Variants in C15orf39 observed in about 807,000 individuals in gnomAD.
C15orf39 encodes uncharacterized protein C15orf39.
In C15orf39, 24 loss-of-function variants were observed where a neutral mutation model predicts 53.9. That is an observed-to-expected ratio of 0.45 (90% CI 0.32 to 0.63). C15orf39 has a LOEUF of 0.63. Among genes scored for constraint, C15orf39 ranks in the 20% least tolerant of loss-of-function variants. C15orf39 has a pLI of 0.04. For synonymous variants in C15orf39, 569 were observed against 576.5 expected (o/e 0.99, Z 0.19); for missense variants, 1,271 against 1,347.9 (o/e 0.94, Z 0.89).
chr15:75,207,488 C>T lies in C15orf39; in HGVS notation c.1440C>T (p.Ala480=). 4 of 1,613,632 alleles carry T rather than the reference C, an allele frequency of 2.5e-6. 1 individual carries two copies. The South Asian group carries it at 4.4e-5, about 18-fold the overall frequency. Residue 480 remains alanine (A), a synonymous_variant, in exon 2 of 3, where the codon GCC becomes GCT. Transcript: ENST00000394987. ...PCTPPALPPC[A]RECQSLPQKE... is the part of the protein sequence containing the mutation. Reference sequence around the variant, plus strand: ...CCCCCCCAGCACTGCCCCCCTGTGCCCGGGAGTGCCAGTCTCTTCCACAGA... The same window carrying T: ...CCCCCCCAGCACTGCCCCCCTGTGCTCGGGAGTGCCAGTCTCTTCCACAGA...
At position 75,206,357 on chromosome 15, in the gene C15orf39, G is replaced by A. The variant is rs761045591; in HGVS notation, c.309G>A (p.Lys103=). ...FYRSPAEGPE[K]MQDSSPVELL... is the part of the protein sequence containing the mutation. ...GCTCGCCAGCAGAAGGCCCTGAGAAGATGCAGGACTCCAGCCCTGTTGAGC... is the reference window on the plus strand; with the variant it reads ...GCTCGCCAGCAGAAGGCCCTGAGAAAATGCAGGACTCCAGCCCTGTTGAGC... Residue 103 remains lysine (K), a synonymous_variant, in exon 2 of 3, where the codon AAG becomes AAA. Transcript: ENST00000394987. 1 of 1,614,086 alleles carries A rather than the reference G, an allele frequency of 6.2e-7. No homozygotes were observed. The highest frequency in any genetic ancestry group is 8.5e-7 in the Non-Finnish European group (1 of 1,179,984).
In C15orf39 at chr15:75,211,176, C is replaced by T. The variant is rs2070481060; in HGVS notation, c.*60C>T. The T allele has an allele frequency of 3.9e-6, 6 of 1,522,940 alleles. No individual in the cohort carries two copies. In the South Asian group the frequency reaches 5.1e-5, roughly 13 times the overall value. 94.3% of individuals were successfully genotyped at this position (1,522,940 alleles called of 1,614,324 possible). A position where few individuals can be genotyped will look rare whatever the true frequency, so the allele number is the denominator to read the frequency against. ...TCTCCACCCTTCCCTTCTGCCTGCCCAGCTGCCCCGGGGCCACGAGTGGAT... is the reference window on the plus strand; with the variant it reads ...TCTCCACCCTTCCCTTCTGCCTGCCTAGCTGCCCCGGGGCCACGAGTGGAT... On this transcript the variant is annotated 3_prime_UTR_variant, in exon 3 of 3. Transcript: ENST00000394987.
In C15orf39 at chr15:75,207,085, C is replaced by A; in HGVS notation, c.1037C>A (p.Pro346His). Residue 346 changes from proline to histidine, a missense_variant, in exon 2 of 3, where the codon CCC becomes CAC. By Grantham distance (77) the Pro-to-His change is moderately conservative. Coordinates refer to ENST00000394987, the MANE Select transcript of C15orf39 (RefSeq NM_015492.5). ...CTGGGGCTGGACGCTTACCCCTACC[C>A]CTCTGCCCCTCTCCCAGCACCCTCT... ...PPLGLDAYPY[P>H]SAPLPAPSPG... is the part of the protein sequence containing the mutation. 6.2e-7 allele frequency: 1 copy of A among 1,612,708 alleles called. No individual in the cohort carries two copies. Among genetic ancestry groups the A allele is most frequent in the South Asian group, 1.1e-5 (1 of 90,952 alleles).
In C15orf39 at chr15:75,208,021, G is replaced by A. The variant is rs145121826; in HGVS notation, c.1973G>A (p.Arg658His). The A allele has an allele frequency of 2.2e-5, 36 of 1,614,040 alleles. No homozygotes were observed. The highest frequency in any genetic ancestry group is 2.8e-5 in the Non-Finnish European group (33 of 1,180,034). Residue 658 changes from arginine (R) to histidine (H), a missense_variant, in exon 2 of 3, where the codon CGT becomes CAT. Arg to His is a conservative substitution (Grantham distance 29, BLOSUM62 0). Around this residue, in one of 2 missense-constraint regions of C15orf39, gnomAD observed 994 missense variants for 993.7 expected, o/e 1.00. Coordinates refer to ENST00000394987, the MANE Select transcript of C15orf39 (RefSeq NM_015492.5). ...ATGTTCCGAAAGTTCAAGATCCTCC[G>A]TCCGGCACCTTTGCCTGCAGCCGTG... is the stretch of plus-strand genomic sequence containing the variant. Reference protein sequence around the residue: ...AFMFRKFKILRPAPLPAAVVP... With the variant: ...AFMFRKFKILHPAPLPAAVVP...
At chr15:75,199,338 A>G (rs2070388227), upstream of C15orf39, among the ~76,000 whole-genome samples, 1 of 152,222 alleles carries the variant, frequency 6.6e-6, no homozygotes, top group African/African-American at 2.4e-5. Context: ...AATAGAGGGC[A>G]GACAGGGCAG....
chr15:75,210,638 T>C, intron 2 of C15orf39, 111 bp from the exon 3 acceptor site: 5 of 1,450,018 alleles, frequency 3.4e-6, no homozygotes, highest in Non-Finnish European at 4.6e-6. Flanking sequence ...AGAGTTGTGA[T>C]GCCAGCCTGA....
chr15:75,208,267 ATCCAGCTCCAGC>A lies in C15orf39; in HGVS notation c.2231_2242del (p.Ala744_Pro747del), dbSNP rs745804550. ...GCTCAGGCTCCAGCTTCAGCCCGGG[ATCCAGCTCCAGC>A]TCCAGCTCCAGTTGCAGGCCCTGCT... On this transcript the variant is annotated inframe_deletion, in exon 2 of 3. Transcript: ENST00000394987. 5.0e-6 allele frequency: 8 copies of A among 1,591,144 alleles called. No individual in the cohort carries two copies. The highest frequency in any genetic ancestry group is 2.7e-5 in the African/African-American group (2 of 74,274).
At chr15:75,205,905 G>T in intron 1 of C15orf39, 94 bp from the exon 2 acceptor site, 2 of 822,008 alleles carry the variant, frequency 2.4e-6, no homozygotes, top group Non-Finnish European at 1.8e-6. Flanking sequence ...CAGGTTCTTA[G>T]GTGTAGCCGT....
rs148245625 is a variant in C15orf39, at chr15:75,210,924, C to G, written c.2952C>G (p.Ser984=). Residue 984 remains serine (S), a synonymous_variant, in exon 3 of 3, where the codon TCC becomes TCG. Coordinates refer to ENST00000394987, the MANE Select transcript of C15orf39 (RefSeq NM_015492.5). ...EKAEAAAGEE[S]CGASPTPATS... is the part of the protein sequence containing the mutation. Reference sequence around the variant, plus strand: ...CAGAGGCAGCTGCTGGGGAAGAGTCCTGTGGTGCCTCCCCTACCCCTGCTA... The same window carrying G: ...CAGAGGCAGCTGCTGGGGAAGAGTCGTGTGGTGCCTCCCCTACCCCTGCTA... The G allele has an allele frequency of 6.2e-7, 1 of 1,613,390 alleles. No individual in the cohort carries two copies. The highest frequency in any genetic ancestry group is 1.1e-5 in the South Asian group (1 of 91,090).
rs933301252 is a variant in C15orf39 at position 75,207,705 on chromosome 15, C to T, written c.1657C>T (p.Pro553Ser). 9 of 1,602,946 alleles carry T rather than the reference C, an allele frequency of 5.6e-6. No homozygotes were observed. In the Admixed American group the frequency reaches 1.0e-4, roughly 18 times the overall value. Residue 553 changes from proline (P) to serine (S), a missense_variant, in exon 2 of 3, where the codon CCT becomes TCT. Pro to Ser is a moderately conservative substitution (Grantham distance 74). Coordinates refer to ENST00000394987, the MANE Select transcript of C15orf39 (RefSeq NM_015492.5). ...GGACAAAGGCTGCAGGGGGACCCTG[C>T]CTGCCCAGGAGGGCCCCTCAGGGAG... ...GQDKGCRGTL[P>S]AQEGPSGSKP...
rs1354158468 is a variant in C15orf39 at position 75,206,711 on chromosome 15, C to T, written c.663C>T (p.His221=). Residue 221 remains histidine, a synonymous_variant, in exon 2 of 3, where the codon CAC becomes CAT. Transcript: ENST00000394987. The part of the protein sequence containing the change: ...QPFLEKYQTI[H]STGFLASRYT... ...TCCTGGAGAAATATCAGACCATCCA[C>T]AGCACGGGCTTCCTGGCCTCCAGGT... The T allele has an allele frequency of 6.2e-7, 1 of 1,613,826 alleles. No homozygotes were observed. Among genetic ancestry groups the T allele is most frequent in the East Asian group, 2.2e-5 (1 of 44,886 alleles).
chr15:75,207,523 C>A lies in C15orf39; in HGVS notation c.1475C>A (p.Ala492Glu). The change falls in exon 2 of 3, where the codon GCA (alanine) becomes GAA (glutamate). Residue 492 changes from alanine (A) to glutamate (E), a missense_variant. Physicochemically the swap from Ala to Glu is moderately radical, Grantham distance 107 (BLOSUM62 -1). Transcript: ENST00000394987. ...ECQSLPQKEG[A>E]RPPSSPPMPV... is the part of the protein sequence containing the mutation. ...CAGTCTCTTCCACAGAAGGAGGGCG[C>A]AAGGCCACCCAGCTCTCCACCAATG... The A allele has an allele frequency of 6.2e-7, 1 of 1,611,992 alleles. No individual in the cohort carries two copies. Among genetic ancestry groups the A allele is most frequent in the Non-Finnish European group, 8.5e-7 (1 of 1,179,408 alleles).
At chr15:75,204,957 C>T (rs2070428219) in intron 1 of C15orf39, among the ~76,000 whole-genome samples, 1 of 152,184 alleles carries the variant, frequency 6.6e-6, no homozygotes, top group Admixed American at 6.5e-5. Flanking sequence ...GCAGCACCAT[C>T]TGCTGGGCTG....
intron 1 of C15orf39, among the ~76,000 whole-genome samples, chr15:75,204,175 C>G (rs774814260): frequency 6.6e-6 from 1 of 152,244 alleles, no homozygotes; most frequent in South Asian, 2.1e-4. Context: ...ACACTTTGCC[C>G]TAATCATAGC....
At position 75,208,447 on chromosome 15, in the gene C15orf39, G is replaced by C. The variant is rs373791203; in HGVS notation, c.2399G>C (p.Trp800Ser). Residue 800 changes from tryptophan (W) to serine (S), a missense_variant, in exon 2 of 3, where the codon TGG becomes TCG. By Grantham distance (177) the Trp-to-Ser change is radical (BLOSUM62 -3). This residue lies in a region of C15orf39 where 277 missense variants were observed against 354.1 expected (regional missense o/e 0.78). Transcript: ENST00000394987. ...LREWLETAGP[W>S]GQAAWQDCQG... is the part of the protein sequence containing the mutation. ...GAGTGGCTAGAGACGGCTGGGCCCT[G>C]GGGCCAGGCTGCGTGGCAGGACTGC... 1 of 1,604,482 alleles carries C rather than the reference G, an allele frequency of 6.2e-7. No individual in the cohort carries two copies. Among genetic ancestry groups the C allele is most frequent in the Non-Finnish European group, 8.5e-7 (1 of 1,178,466 alleles).
rs749347391 is a variant in C15orf39 at position 75,208,269 on chromosome 15, C to A, written c.2221C>A (p.Pro741Thr). 37 of 1,579,708 alleles carry A rather than the reference C, an allele frequency of 2.3e-5. No homozygotes were observed. The highest frequency in any genetic ancestry group is 3.3e-4 in the Middle Eastern group (2 of 6,046). ...RAQAPASARD[P>T]APAPAPVAGP... ...TCAGGCTCCAGCTTCAGCCCGGGAT[C>A]CAGCTCCAGCTCCAGCTCCAGTTGC... The change falls in exon 2 of 3, where the codon CCA (proline) becomes ACA (threonine). Residue 741 changes from proline to threonine, a missense_variant. Coordinates refer to ENST00000394987, the MANE Select transcript of C15orf39 (RefSeq NM_015492.5).
At position 75,208,398 on chromosome 15, in the gene C15orf39, C is replaced by T. The variant is rs141719651; in HGVS notation, c.2350C>T (p.His784Tyr). ...TGATGCTATTTCTGGCTCCGTCGCC[C>T]ACTCTCCTCCAGAGAAGCTTCGCGA... Reference protein sequence around the residue: ...LCDAISGSVAHSPPEKLREWL... With the variant: ...LCDAISGSVAYSPPEKLREWL... The change falls in exon 2 of 3, where the codon CAC becomes TAC. Residue 784 changes from histidine to tyrosine, a missense_variant. By Grantham distance (83) the His-to-Tyr change is moderately conservative (BLOSUM62 2). This residue lies in a region of C15orf39 where 994 missense variants were observed against 993.7 expected (regional missense o/e 1.00). Coordinates refer to ENST00000394987, the MANE Select transcript of C15orf39 (RefSeq NM_015492.5). 4 of 1,605,220 alleles carry T rather than the reference C, an allele frequency of 2.5e-6. No homozygotes were observed. The African/African-American group carries it at 4.0e-5, about 16-fold the overall frequency.
At chr15:75,204,631 CAGCGT>C (rs2070425892) in intron 1 of C15orf39, among the ~76,000 whole-genome samples, 1 of 152,242 alleles carries the variant, frequency 6.6e-6, no homozygotes, top group Non-Finnish European at 1.5e-5. Flanking sequence ...CCTCAGCCTT[CAGCGT>C]AGCTGGGATT....
chr15:75,205,862 A>G (rs890354012), intron 1 of C15orf39, 137 bp from the exon 2 acceptor site: 3 of 613,736 alleles, frequency 4.9e-6, no homozygotes, highest in Admixed American at 3.1e-5. Context: ...TGGCTCATGC[A>G]CTCACAGTCT....
Sources: gnomAD v4.1 joint callset for allele counts (sites outside exome capture counted in the v4.1 genomes callset) on GRCh38, gnomAD v4.1.1 for gene constraint, gnomAD v4.1.1 regional missense constraint, MANE v1.5 for transcripts, NCBI Gene and HGNC (gene_info 2026-07-23, HGNC 2026-07-21) for gene names.